Variants in RRAD observed in about 807,000 individuals in gnomAD.
RRAD encodes GTP-binding protein RAD.
Under a neutral mutation model 24.7 loss-of-function variants are expected in RRAD, and 15 were observed. The observed-to-expected ratio is 0.61, with a 90% CI of 0.41 to 0.93. The LOEUF is 0.93. Ranked by LOEUF, RRAD falls within the 40% of genes least tolerant of loss-of-function variation. The pLI is 0.00. For missense variants in RRAD, 438 were observed against 452.2 expected (o/e 0.97, Z 0.29); for synonymous variants, 180 against 189.8 (o/e 0.95, Z 0.43).
Position 66,924,922 on chromosome 16 carries a change from G to T in RRAD, c.258C>A (p.Asp86Glu). Reference sequence around the variant, plus strand: ...GCACCTTGTAAACGCTCTCGTCTGAGTCGCTGCCCCCTGAGCTGAGCGAGT... The same window carrying T: ...GCACCTTGTAAACGCTCTCGTCTGATTCGCTGCCCCCTGAGCTGAGCGAGT... ...SEDSLSSGGS[D>E]SDESVYKVLL... Residue 86 changes from aspartate (D) to glutamate (E), a missense_variant, in exon 2 of 5, where the codon GAC (aspartate) becomes GAA (glutamate). Physicochemically the swap from Asp to Glu is conservative, Grantham distance 45 (BLOSUM62 2). Coordinates refer to ENST00000299759, the MANE Select transcript of RRAD (RefSeq NM_004165.3). The surrounding 1 kb of genome is among the most constrained non-coding windows in gnomAD (Gnocchi z 4.2). 6.3e-7 allele frequency: 1 copy of T among 1,575,354 alleles called. No homozygotes were observed.
Position 66,925,224 on chromosome 16 carries a change from T to C in RRAD, c.-15-30A>G. 1 of 1,234,240 alleles carries C rather than the reference T, an allele frequency of 8.1e-7. No individual in the cohort carries two copies. Among genetic ancestry groups the C allele is most frequent in the Non-Finnish European group, 1.0e-6 (1 of 988,266 alleles). The allele number at this position is 1,234,240 out of a possible 1,614,324, so 76.5% of individuals were successfully genotyped here. On this transcript the variant is annotated intron_variant, in intron 1 of 4. Transcript: ENST00000299759. The surrounding 1 kb of genome is among the most constrained non-coding windows in gnomAD (Gnocchi z 5.2). ...GGGATCAGGAACCCGAGTGGCCGTG[T>C]AAGCCGCGAGGGAGGCGGGACCCGG...
Position 66,925,128 on chromosome 16 carries a change from G to A in RRAD, c.52C>T (p.Gln18Ter). 5.7e-6 allele frequency: 7 copies of A among 1,226,620 alleles called. No individual in the cohort carries two copies. Among genetic ancestry groups the A allele is most frequent in the Non-Finnish European group, 7.1e-6 (7 of 985,214 alleles). 76.0% of individuals were successfully genotyped at this position (1,226,620 alleles called of 1,614,324 possible). The change falls in exon 2 of 5, where the codon CAG (glutamine) becomes TAG (stop). Residue 18 changes from glutamine (Q) to a stop codon, truncating the protein, a stop_gained. Transcript: ENST00000299759. LOFTEE classifies it high-confidence loss of function. The surrounding 1 kb of genome is among the most constrained non-coding windows in gnomAD (Gnocchi z 5.2). Reference protein sequence around the residue: ...SGAGGSRGGGQERERRRGSTP... With the variant: ...SGAGGSRGGG ...CTGCCCCGACGGCGCTCGCGCTCCTGGCCCCCACCGCGGCTCCCGCCCGCT... is the reference window on the plus strand; with the variant it reads ...CTGCCCCGACGGCGCTCGCGCTCCTAGCCCCCACCGCGGCTCCCGCCCGCT...
rs1962943754 is a variant in RRAD at position 66,923,342 on chromosome 16, G to A, written c.649+174C>T. Among the ~76,000 whole-genome samples the A allele has an allele frequency of 6.6e-6, 1 of 152,056 alleles. No individual in the cohort carries two copies. Among genetic ancestry groups the A allele is most frequent in the South Asian group, 2.1e-4 (1 of 4,820 alleles). On this transcript the variant is annotated intron_variant, in intron 4 of 4. Coordinates refer to ENST00000299759, the MANE Select transcript of RRAD (RefSeq NM_004165.3). The surrounding 1 kb of genome is among the most constrained non-coding windows in gnomAD (Gnocchi z 4.9). ...TTGGTTCTTTCCCCAGCCCTCTGGG[G>A]CCTTCCGGAGCCCTGTGAGCAGGCA...
rs774353771 is a variant in RRAD, at chr16:66,924,995, C to G, written c.185G>C (p.Gly62Ala). The change falls in exon 2 of 5, where the codon GGG (glycine) becomes GCG (alanine). Residue 62 changes from glycine (G) to alanine (A), a missense_variant. By Grantham distance (60) the Gly-to-Ala change is moderately conservative (BLOSUM62 0). Transcript: ENST00000299759. This position sits in a 1 kb window ranked among gnomAD's most constrained non-coding sequence, Gnocchi z 4.2. Reference sequence around the variant, plus strand: ...CAGCCTGGGACCCTGGGTCCCCGTCCCGGCCGCGGCCGCCGTCAGGGCACC... The same window carrying G: ...CAGCCTGGGACCCTGGGTCCCCGTCGCGGCCGCGGCCGCCGTCAGGGCACC... Reference protein sequence around the residue: ...TPGALTAAAAGTGTQGPRLDW... With the variant: ...TPGALTAAAAATGTQGPRLDW... The G allele has an allele frequency of 1.4e-6, 2 of 1,432,350 alleles. No homozygotes were observed. Among genetic ancestry groups the G allele is most frequent in the South Asian group, 2.8e-5 (2 of 70,632 alleles). The allele number at this position is 1,432,350 out of a possible 1,614,324, so 88.7% of individuals were successfully genotyped here.
chr16:66,922,383 TA>T, intron 4 of RRAD, 30 bp from the exon 5 acceptor site: 1 of 1,559,996 alleles, frequency 6.4e-7, no homozygotes, highest in Non-Finnish European at 8.7e-7. Flanking sequence ...CAGGCACCAG[TA>T]AACAAAGGGT....
chr16:66,922,138 T>TA lies in RRAD; in HGVS notation c.864dup (p.Asn289Ter). 2 of 1,613,594 alleles carry TA rather than the reference T, an allele frequency of 1.2e-6. No homozygotes were observed. The highest frequency in any genetic ancestry group is 1.1e-5 in the South Asian group (1 of 91,076). On this transcript the variant is annotated frameshift_variant, in exon 5 of 5. Transcript: ENST00000299759. LOFTEE classifies it high-confidence loss of function. ...GCGCGAAAGGCCATCTTGCGGCTGT[T>TA]ACGAGCTACGATGCGGCCCAAGAAG...
chr16:66,922,495 A>ACC, intron 4 of RRAD, 142 bp from the exon 5 acceptor site: 1 of 808,348 alleles, frequency 1.2e-6, no homozygotes, highest in South Asian at 1.9e-5. Flanking sequence ...CAGCTCCTGT[A>ACC]CTGAGGGTAC....
At position 66,924,030 on chromosome 16, in the gene RRAD, C is replaced by G. The variant is rs1461000121; in HGVS notation, c.371-111G>C. 2.4e-6 allele frequency: 2 copies of G among 839,540 alleles called. No individual in the cohort carries two copies. Among genetic ancestry groups the G allele is most frequent in the Non-Finnish European group, 4.1e-6 (2 of 482,874 alleles). The allele number at this position is 839,540 out of a possible 1,614,324, so 52.0% of individuals were successfully genotyped here. A position where few individuals can be genotyped will look rare whatever the true frequency, so the allele number is the denominator to read the frequency against. Reference sequence around the variant, plus strand: ...TCTTCCCCAGAGCCCTCCTTACCCTCCACTCCACTTGCAGATGCTGGTATG... The same window carrying G: ...TCTTCCCCAGAGCCCTCCTTACCCTGCACTCCACTTGCAGATGCTGGTATG... On this transcript the variant is annotated intron_variant, in intron 2 of 4. Coordinates refer to ENST00000299759, the MANE Select transcript of RRAD (RefSeq NM_004165.3). This position sits in a 1 kb window ranked among gnomAD's most constrained non-coding sequence, Gnocchi z 4.2.
chr16:66,922,164 C>T lies in RRAD; in HGVS notation c.839G>A (p.Arg280His). 5.6e-6 allele frequency: 9 copies of T among 1,614,194 alleles called. No individual in the cohort carries two copies. The highest frequency in any genetic ancestry group is 7.6e-6 in the Non-Finnish European group (9 of 1,179,980). Reference sequence around the variant, plus strand: ...ACGAGCTACGATGCGGCCCAAGAAGCGCTTCGCCTTTTTGCCAAGGCTCTC... The same window carrying T: ...ACGAGCTACGATGCGGCCCAAGAAGTGCTTCGCCTTTTTGCCAAGGCTCTC... ...RRESLGKKAK[R>H]FLGRIVARNS... Residue 280 changes from arginine to histidine, a missense_variant, in exon 5 of 5, where the codon CGC (arginine) becomes CAC (histidine). Transcript: ENST00000299759.
chr16:66,922,468 C>G, intron 4 of RRAD, 115 bp from the exon 5 acceptor site: 1 of 1,083,594 alleles, frequency 9.2e-7, no homozygotes, highest in Non-Finnish European at 1.3e-6. Flanking sequence ...AGGTCCTCCC[C>G]GAAAACACAG....
At chr16:66,922,908 C>G (rs1962936738) in intron 4 of RRAD, among the ~76,000 whole-genome samples, 1 of 152,118 alleles carries the variant, frequency 6.6e-6, no homozygotes, top group Non-Finnish European at 1.5e-5. Context: ...GTCTCGATCT[C>G]CTGACCTCGT....
chr16:66,924,711 CAACTAT>C lies in RRAD; in HGVS notation c.370+93_370+98del. On this transcript the variant is annotated intron_variant, in intron 2 of 4. Transcript: ENST00000299759. The surrounding 1 kb of genome is among the most constrained non-coding windows in gnomAD (Gnocchi z 4.2). Reference sequence around the variant, plus strand: ...ATAATAATAATAATAACAACAACAACAACTATAATTCCACGGTATTTGCGGCTTTGA... The same window carrying C: ...ATAATAATAATAATAACAACAACAACAATTCCACGGTATTTGCGGCTTTGA... 1 of 820,082 alleles carries C rather than the reference CAACTAT, an allele frequency of 1.2e-6. No individual in the cohort carries two copies. Among genetic ancestry groups the C allele is most frequent in the Non-Finnish European group, 1.7e-6 (1 of 603,582 alleles). 50.8% of individuals were successfully genotyped at this position (820,082 alleles called of 1,614,324 possible). A position where few individuals can be genotyped will look rare whatever the true frequency, so the allele number is the denominator to read the frequency against.
Position 66,924,769 on chromosome 16 carries a change from C to T in RRAD, c.370+41G>A. On this transcript the variant is annotated intron_variant, in intron 2 of 4. Coordinates refer to ENST00000299759, the MANE Select transcript of RRAD (RefSeq NM_004165.3). The surrounding 1 kb of genome is among the most constrained non-coding windows in gnomAD (Gnocchi z 4.2). The stretch of plus-strand genomic sequence containing the variant: ...TACCGGTCTCAGCCCCTAGTCCTAG[C>T]CCCGGGATCGCCCCTCCCCTGAACA... The T allele has an allele frequency of 6.3e-6, 9 of 1,421,416 alleles. No individual in the cohort carries two copies. Among genetic ancestry groups the T allele is most frequent in the East Asian group, 2.6e-5 (1 of 38,530 alleles). 88.1% of individuals were successfully genotyped at this position (1,421,416 alleles called of 1,614,324 possible).
rs1962924447 is a variant in RRAD at position 66,922,197 on chromosome 16, C to T, written c.806G>A (p.Arg269Gln). The T allele has an allele frequency of 6.2e-7, 1 of 1,614,236 alleles. No homozygotes were observed. Among genetic ancestry groups the T allele is most frequent in the South Asian group, 1.1e-5 (1 of 91,090 alleles). The change falls in exon 5 of 5, where the codon CGG (arginine) becomes CAG (glutamine). Residue 269 changes from arginine (R) to glutamine (Q), a missense_variant. By Grantham distance (43) the Arg-to-Gln change is conservative. Transcript: ENST00000299759. Reference sequence around the variant, plus strand: ...CTTTTTGCCAAGGCTCTCTCGCCTCCGGGTGCCTGCTTGCCGTCGTGCGTT... The same window carrying T: ...CTTTTTGCCAAGGCTCTCTCGCCTCTGGGTGCCTGCTTGCCGTCGTGCGTT... ...EANARRQAGT[R>Q]RRESLGKKAK...
Position 66,922,294 on chromosome 16 carries a change from G to A in RRAD, c.709C>T (p.His237Tyr). 1 of 1,611,682 alleles carries A rather than the reference G, an allele frequency of 6.2e-7. No individual in the cohort carries two copies. Among genetic ancestry groups the A allele is most frequent in the Non-Finnish European group, 8.5e-7 (1 of 1,178,304 alleles). The change falls in exon 5 of 5, where the codon CAC (histidine) becomes TAC (tyrosine). Residue 237 changes from histidine (H) to tyrosine (Y), a missense_variant. By Grantham distance (83) the His-to-Tyr change is moderately conservative. Transcript: ENST00000299759. ...CKFIETSAAL[H>Y]HNVQALFEGV... ...TCAAACAGCGCCTGGACATTGTGGT[G>A]CAATGCCGCTGATGTCTCAATGAAC...
At position 66,923,168 on chromosome 16, in the gene RRAD, A is replaced by C. The variant is rs1567541094; in HGVS notation, c.649+348T>G. On this transcript the variant is annotated intron_variant, in intron 4 of 4. Transcript: ENST00000299759. This position sits in a 1 kb window ranked among gnomAD's most constrained non-coding sequence, Gnocchi z 4.9. Reference sequence around the variant, plus strand: ...TCTTCCCCAGGGCCAAGTCTACTCTAAGAATGGCCCAGACCTAGCACACAG... The same window carrying C: ...TCTTCCCCAGGGCCAAGTCTACTCTCAGAATGGCCCAGACCTAGCACACAG... Among the ~76,000 whole-genome samples the C allele has an allele frequency of 6.6e-6, 1 of 152,060 alleles. No individual in the cohort carries two copies.
chr16:66,923,865 ACCATGAGTGAT>A lies in RRAD; in HGVS notation c.414_424del (p.Ser139LeufsTer53), dbSNP rs750905512. On this transcript the variant is annotated frameshift_variant, in exon 3 of 5. Coordinates refer to ENST00000299759, the MANE Select transcript of RRAD (RefSeq NM_004165.3). LOFTEE classifies it high-confidence loss of function. The surrounding 1 kb of genome is among the most constrained non-coding windows in gnomAD (Gnocchi z 4.9). ...CCCTACCTGCTCCCAAATGTCGTAG[ACCATGAGTGAT>A]GCCTCTTCTCCGTCCACTACAATGG... is the stretch of plus-strand genomic sequence containing the variant. 1.2e-5 allele frequency: 20 copies of A among 1,613,904 alleles called. No individual in the cohort carries two copies. The highest frequency in any genetic ancestry group is 1.6e-5 in the Non-Finnish European group (19 of 1,179,992).
rs774750516 is a variant in RRAD at position 66,922,132 on chromosome 16, G to T, written c.871C>A (p.Arg291Ser). The T allele has an allele frequency of 6.2e-7, 1 of 1,613,110 alleles. No homozygotes were observed. The highest frequency in any genetic ancestry group is 8.5e-7 in the Non-Finnish European group (1 of 1,179,068). ...FLGRIVARNS[R>S]KMAFRAKSKS... ...GATTTGGCGCGAAAGGCCATCTTGC[G>T]GCTGTTACGAGCTACGATGCGGCCC... is the stretch of plus-strand genomic sequence containing the variant. Residue 291 changes from arginine (R) to serine (S), a missense_variant, in exon 5 of 5, where the codon CGC (arginine) becomes AGC (serine). Arg to Ser is a moderately radical substitution (Grantham distance 110). Transcript: ENST00000299759.
In RRAD at chr16:66,925,156, G is replaced by T. The variant is rs1305059714; in HGVS notation, c.24C>A (p.Ser8Arg). The T allele has an allele frequency of 2.4e-6, 3 of 1,230,596 alleles. No homozygotes were observed. The East Asian group carries it at 9.5e-5, about 39-fold the overall frequency. 76.2% of individuals were successfully genotyped at this position (1,230,596 alleles called of 1,614,324 possible). A position where few individuals can be genotyped will look rare whatever the true frequency, so the allele number is the denominator to read the frequency against. Reference protein sequence around the residue: MTLNGGGSGAGGSRGGGQ... With the variant: MTLNGGGRGAGGSRGGGQ... ...CCCCACCGCGGCTCCCGCCCGCTCC[G>T]CTGCCGCCGCCGTTCAGGGTCATCG... Residue 8 changes from serine to arginine, a missense_variant, in exon 2 of 5, where the codon AGC becomes AGA. Transcript: ENST00000299759. This position sits in a 1 kb window ranked among gnomAD's most constrained non-coding sequence, Gnocchi z 5.2.
Sources: gnomAD v4.1 joint callset for allele counts (sites outside exome capture counted in the v4.1 genomes callset) on GRCh38, gnomAD v4.1.1 for gene constraint, Gnocchi (gnomAD v3.1) non-coding constraint, MANE v1.5 for transcripts, NCBI Gene and HGNC (gene_info 2026-07-23, HGNC 2026-07-21) for gene names.